Variants in PCDHA9 observed in about 807,000 individuals in gnomAD.
PCDHA9 encodes the protein protocadherin alpha 9, also known as protocadherin alpha-9.
A neutral mutation model predicts 62.0 loss-of-function variants in PCDHA9; 62 were observed. That is an observed-to-expected ratio of 1.00 (90% CI 0.81 to 1.23). PCDHA9 has a LOEUF of 1.23. PCDHA9 is among the 50% of genes most tolerant of loss of function. The pLI is 0.00. For missense variants in PCDHA9, 1,205 were observed against 1,249.8 expected (o/e 0.96, Z 0.54); for synonymous variants, 557 against 567.6 (o/e 0.98, Z 0.27).
At chr5:140,971,586 C>G (rs1290834481) in intron 1 of PCDHA9, among the ~76,000 whole-genome samples, 1 of 152,022 alleles carries the variant, frequency 6.6e-6, no homozygotes, top group Non-Finnish European at 1.5e-5. Context: ...TTTTTCCTAC[C>G]TAGTTACTAC....
chr5:140,965,173 G>A (rs1257436786), intron 1 of PCDHA9, among the ~76,000 whole-genome samples: 1 of 152,218 alleles, frequency 6.6e-6, no homozygotes, highest in African/African-American at 2.4e-5. Flanking sequence ...TTTAGTGAGT[G>A]CTTTTTTTGC....
intron 1 of PCDHA9, among the ~76,000 whole-genome samples, chr5:140,903,774 C>A (rs1466112745): frequency 6.6e-6 from 1 of 152,122 alleles, no homozygotes; most frequent in African/African-American, 2.4e-5. Context: ...ACTTTTCTAT[C>A]CATAAACTAT....
intron 1 of PCDHA9, among the ~76,000 whole-genome samples, chr5:140,881,757 A>T (rs1238055344): frequency 6.6e-6 from 1 of 152,166 alleles, no homozygotes; most frequent in African/African-American, 2.4e-5. Flanking sequence ...TACCACAAAA[A>T]CCTACATGAC....
At chr5:140,977,784 A>G (rs1284023783) in intron 1 of PCDHA9, among the ~76,000 whole-genome samples, 1 of 152,366 alleles carries the variant, frequency 6.6e-6, no homozygotes, top group East Asian at 1.9e-4. Context: ...TAAAGGAACT[A>G]TATGAATGAT....
rs2150422920 is a variant in PCDHA9, at chr5:140,848,857, T to C, written c.362T>C (p.Val121Ala). 6.3e-7 allele frequency: 1 copy of C among 1,590,410 alleles called. No individual in the cohort carries two copies. The highest frequency in any genetic ancestry group is 8.6e-7 in the Non-Finnish European group (1 of 1,162,100). ...DRPLQVFHVD[V>A]EVKDINDNPP... is the part of the protein sequence containing the mutation. ...CCGCTGCAGGTTTTCCATGTGGACG[T>C]GGAGGTGAAGGACATTAACGACAAC... The change falls in exon 1 of 4, where the codon GTG becomes GCG. Residue 121 changes from valine to alanine, a missense_variant. This residue lies in a region of PCDHA9 where 208 missense variants were observed against 213.2 expected (regional missense o/e 0.98). Transcript: ENST00000532602.
At chr5:140,984,783 G>A (rs2097120793) in intron 3 of PCDHA9, among the ~76,000 whole-genome samples, 1 of 152,152 alleles carries the variant, frequency 6.6e-6, no homozygotes, top group African/African-American at 2.4e-5. Flanking sequence ...CTTGCTGGGT[G>A]AGCATAGACA....
intron 1 of PCDHA9, chr5:140,876,078 A>C (rs2056099570): frequency 6.2e-7 from 1 of 1,613,868 alleles, no homozygotes; most frequent in Non-Finnish European, 8.5e-7. Flanking sequence ...TATTGGACAG[A>C]GAGCAAACGC....
chr5:140,890,945 G>A (rs2062873584), intron 1 of PCDHA9, among the ~76,000 whole-genome samples: 1 of 152,132 alleles, frequency 6.6e-6, no homozygotes, highest in Non-Finnish European at 1.5e-5. Flanking sequence ...AGATGCTGGT[G>A]AGGAATGATT....
rs546789240 is a variant in PCDHA9 at position 140,938,168 on chromosome 5, G to A, written c.2395-40781G>A. Among the ~76,000 whole-genome samples, 6 of 152,184 alleles carry A rather than the reference G, an allele frequency of 3.9e-5. No homozygotes were observed. The South Asian group carries it at 1.2e-3, about 32-fold the overall frequency. Reference sequence around the variant, plus strand: ...ACTACATTGCCCAGGCTAGTCTGGAGCTCCTGGGCTCAAGCAATCCTCCCA... The same window carrying A: ...ACTACATTGCCCAGGCTAGTCTGGAACTCCTGGGCTCAAGCAATCCTCCCA... On this transcript the variant is annotated intron_variant, in intron 1 of 3. Coordinates refer to ENST00000532602, the MANE Select transcript of PCDHA9 (RefSeq NM_031857.2).
chr5:140,987,936 T>C lies in PCDHA9; in HGVS notation c.2542+5373T>C, dbSNP rs80117115. Among the ~76,000 whole-genome samples the C allele has an allele frequency of 7.9e-3, 1,205 of 152,348 alleles. 20 individuals are homozygous for C. Among genetic ancestry groups the C allele is most frequent in the African/African-American group, 0.027 (1,136 of 41,570 alleles). On this transcript the variant is annotated intron_variant, in intron 3 of 3. Coordinates refer to ENST00000532602, the MANE Select transcript of PCDHA9 (RefSeq NM_031857.2). ...TATTCTTAATTGTCTCAAGGATTCT[T>C]ACCTGTCTGACAAAACCAACTCCCC...
At chr5:140,990,155 G>GT (rs1274867030) in intron 3 of PCDHA9, among the ~76,000 whole-genome samples, 4 of 152,076 alleles carry the variant, frequency 2.6e-5, no homozygotes, top group African/African-American at 9.7e-5. Context: ...ATAATAGAAA[G>GT]TTAGGGTATG....
chr5:140,967,841 A>G, intron 1 of PCDHA9: 1 of 1,614,114 alleles, frequency 6.2e-7, no homozygotes, highest in Non-Finnish European at 8.5e-7. Flanking sequence ...CGTGGACGTG[A>G]ATGACAATGC....
At chr5:140,859,226 A>G (rs190980812) in intron 1 of PCDHA9, 1 of 149,940 alleles carries the variant, frequency 6.7e-6, no homozygotes, top group East Asian at 1.9e-4. Flanking sequence ...ACTTTAAGGA[A>G]GGAGTCATGC....
At chr5:140,976,753 G>A (rs2096729890) in intron 1 of PCDHA9, among the ~76,000 whole-genome samples, 1 of 152,130 alleles carries the variant, frequency 6.6e-6, no homozygotes. Context: ...CCTCCCAGAT[G>A]CCAGAAGCCT....
At chr5:140,869,666 A>G (rs2051321419) in intron 1 of PCDHA9, 1 of 1,613,524 alleles carries the variant, frequency 6.2e-7, no homozygotes, top group East Asian at 2.2e-5. Context: ...AATGGTAAGC[A>G]GATTAAAAGA....
rs906170025 is a variant in PCDHA9 at position 140,935,893 on chromosome 5, T to C, written c.2395-43056T>C. Among the ~76,000 whole-genome samples, 23 of 129,968 alleles carry C rather than the reference T, an allele frequency of 1.8e-4. 1 individual carries two copies. In the Admixed American group the frequency reaches 1.8e-3, roughly 10 times the overall value. The allele number at this position is 129,968 out of a possible 152,430, so 85.3% of individuals were successfully genotyped here. A position where few individuals can be genotyped will look rare whatever the true frequency, so the allele number is the denominator to read the frequency against. ...AATGAGCTCCAATTTATCAATATTA[T>C]CTTTTTTTTTTTTTTTTGAGACAGA... On this transcript the variant is annotated intron_variant, in intron 1 of 3. Transcript: ENST00000532602.
chr5:140,988,524 T>C (rs1338675660), intron 3 of PCDHA9, among the ~76,000 whole-genome samples: 2 of 152,212 alleles, frequency 1.3e-5, no homozygotes, highest in East Asian at 3.8e-4. Context: ...AAGTCTCTGC[T>C]GGCTCCATCC....
chr5:140,939,812 A>T (rs1277082652), intron 1 of PCDHA9, among the ~76,000 whole-genome samples: 4 of 152,196 alleles, frequency 2.6e-5, no homozygotes, highest in Non-Finnish European at 2.9e-5. Flanking sequence ...ATGTTCAAGA[A>T]AAAGCAGTAT....
chr5:140,923,665 C>T (rs369836298), intron 1 of PCDHA9, among the ~76,000 whole-genome samples: 77 of 152,288 alleles, frequency 5.1e-4, no homozygotes, highest in African/African-American at 1.6e-3. Flanking sequence ...TTTGGGATAT[C>T]GTTCTCTCTT....
Sources: allele counts gnomAD v4.1 joint callset (sites outside exome capture counted in the v4.1 genomes callset), GRCh38; gene constraint gnomAD v4.1.1; regional missense constraint gnomAD v4.1.1; transcripts MANE v1.5; gene names NCBI Gene and HGNC (gene_info 2026-07-23, HGNC 2026-07-21).